The following HTT variants were observed in gnomAD, a reference collection of about 807,000 sequenced individuals.
The protein encoded by HTT is huntington disease protein.
Under a neutral mutation model 362.3 loss-of-function variants are expected in HTT, and 104 were observed. That is an observed-to-expected ratio of 0.29 (90% CI 0.24 to 0.34). HTT has a LOEUF of 0.34. Ranked by LOEUF, HTT falls within the 10% of genes least tolerant of loss-of-function variation. The probability of loss-of-function intolerance (pLI) is 1.00; values close to 1 mark genes in which losing one functional copy is unlikely to be tolerated. For missense variants in HTT, 3,301 were observed against 3,928.6 expected (o/e 0.84, Z 4.27); for synonymous variants, 1,577 against 1,548.7 (o/e 1.02, Z -0.43).
At chr4:3,126,627 TA>T (rs1715531941) in intron 11 of HTT, among the ~76,000 whole-genome samples, 1 of 152,208 alleles carries the variant, frequency 6.6e-6, no homozygotes, top group Non-Finnish European at 1.5e-5. Flanking sequence ...ATCCGGATAC[TA>T]TAAAGCTCAC....
At chr4:3,173,166 A>G in intron 31 of HTT, 35 bp downstream of exon 31, 4 of 1,527,044 alleles carry the variant, frequency 2.6e-6, no homozygotes, top group Non-Finnish European at 3.6e-6. Context: ...TCGTTGGTGG[A>G]AGCACGAAAG....
intron 2 of HTT, among the ~76,000 whole-genome samples, chr4:3,095,523 G>C (rs1460431073): frequency 3.3e-5 from 5 of 152,134 alleles, no homozygotes; most frequent in Non-Finnish European, 5.9e-5. Context: ...GTGCGAGGGC[G>C]AGGGCGAGGG....
At chr4:3,100,561 G>A (rs914115441) in intron 3 of HTT, among the ~76,000 whole-genome samples, 9 of 152,184 alleles carry the variant, frequency 5.9e-5, no homozygotes, top group Non-Finnish European at 1.3e-4. Flanking sequence ...TGCTTTGCTC[G>A]CATCTCACTT....
At chr4:3,191,612 A>G (rs1398242235) in intron 40 of HTT, among the ~76,000 whole-genome samples, 4 of 152,222 alleles carry the variant, frequency 2.6e-5, no homozygotes, top group Admixed American at 2.6e-4. Flanking sequence ...TGGCAAGTAG[A>G]TGGTAGAGAT....
At position 3,240,701 on chromosome 4, in the gene HTT, G is replaced by A. The variant is rs1721765533; in HGVS notation, c.*642G>A. ...GTAAAGTATGTGAATCGCAAGGCCTGTGCTGCATGCGACAGCGTCCGGGGT... is the reference window on the plus strand; with the variant it reads ...GTAAAGTATGTGAATCGCAAGGCCTATGCTGCATGCGACAGCGTCCGGGGT... On this transcript the variant is annotated 3_prime_UTR_variant, in exon 67 of 67. Transcript: ENST00000355072. The A allele has an allele frequency of 6.5e-6, 1 of 153,856 alleles. No homozygotes were observed. The highest frequency in any genetic ancestry group is 6.5e-5 in the Admixed American group (1 of 15,476). 9.5% of individuals were successfully genotyped at this position (153,856 alleles called of 1,614,324 possible).
chr4:3,099,961 A>G (rs112675633), intron 3 of HTT, among the ~76,000 whole-genome samples: 3,045 of 149,554 alleles, frequency 0.02, 57 homozygotes, highest in Middle Eastern at 0.034. Context: ...GAGGTGCTCT[A>G]TTGTATGGTT....
chr4:3,178,538 G>T lies in HTT; in HGVS notation c.4612+92G>T, dbSNP rs1718349824. Reference sequence around the variant, plus strand: ...ATACCCACTTTGAACGTTGTCAGTGGCAGCCATGTGCTTCTCAGGCTCTGC... The same window carrying T: ...ATACCCACTTTGAACGTTGTCAGTGTCAGCCATGTGCTTCTCAGGCTCTGC... On this transcript the variant is annotated intron_variant, in intron 35 of 66. Coordinates refer to ENST00000355072, the MANE Select transcript of HTT (RefSeq NM_001388492.1). 4 of 1,081,720 alleles carry T rather than the reference G, an allele frequency of 3.7e-6. No homozygotes were observed. The South Asian group carries it at 4.4e-5, about 12-fold the overall frequency. The allele number at this position is 1,081,720 out of a possible 1,614,324, so 67.0% of individuals were successfully genotyped here.
intron 18 of HTT, among the ~76,000 whole-genome samples, chr4:3,133,165 G>T (rs750469986): frequency 6.6e-6 from 1 of 152,050 alleles, no homozygotes; most frequent in Non-Finnish European, 1.5e-5. Context: ...GATATATTTA[G>T]AAATAACCTA....
intron 50 of HTT, among the ~76,000 whole-genome samples, chr4:3,214,593 A>AC (rs1268188300): frequency 6.6e-6 from 1 of 152,268 alleles, no homozygotes; most frequent in African/African-American, 2.4e-5. Flanking sequence ...AGTATCCTCA[A>AC]CAAGGGTCAT....
chr4:3,233,101 G>C (rs2269478), intron 60 of HTT, 62 bp from the exon 61 acceptor site: 40 of 1,419,106 alleles, frequency 2.8e-5, no homozygotes, highest in Non-Finnish European at 3.5e-5. Context: ...TCGGCTGTGG[G>C]GAGGAGCCAC....
intron 2 of HTT, among the ~76,000 whole-genome samples, chr4:3,092,320 A>G (rs556224768): frequency 5.3e-5 from 8 of 152,264 alleles, no homozygotes; most frequent in African/African-American, 1.7e-4. Context: ...GCGCCTGGCC[A>G]GATACATTTA....
chr4:3,212,522 G>A (rs1425112030), intron 48 of HTT, 42 bp from the exon 49 acceptor site: 3 of 1,600,032 alleles, frequency 1.9e-6, no homozygotes, highest in Non-Finnish European at 2.6e-6. Flanking sequence ...TGATGCATCT[G>A]TGCTCACGTT....
intron 1 of HTT, among the ~76,000 whole-genome samples, chr4:3,081,356 A>G (rs547518011): frequency 2.1e-4 from 32 of 152,168 alleles, no homozygotes; most frequent in Admixed American, 2.0e-4. Context: ...GTGTTCCAAT[A>G]GAATTTTATT....
At chr4:3,087,730 G>C (rs534327940) in intron 2 of HTT, among the ~76,000 whole-genome samples, 5 of 152,200 alleles carry the variant, frequency 3.3e-5, no homozygotes, top group Non-Finnish European at 7.4e-5. Context: ...CTTTCCCTTG[G>C]AATAAATAAT....
At chr4:3,177,434 T>C in intron 34 of HTT, 47 bp downstream of exon 34, 1 of 1,247,402 alleles carries the variant, frequency 8.0e-7, no homozygotes, top group Non-Finnish European at 1.1e-6. Flanking sequence ...TCTTGTGTAC[T>C]TACATGTAAT....
chr4:3,182,524 CT>C, intron 37 of HTT, 54 bp downstream of exon 37: 1 of 1,136,088 alleles, frequency 8.8e-7, no homozygotes. Context: ...GCTTAAGGTC[CT>C]TGTGAAAGGT....
intron 27 of HTT, 84 bp downstream of exon 27, chr4:3,154,503 A>G: frequency 6.5e-7 from 1 of 1,539,072 alleles, no homozygotes; most frequent in South Asian, 1.2e-5. Flanking sequence ...TTGGTGTTTT[A>G]GAGAAATAAA....
Position 3,074,936 on chromosome 4 carries a change from A to ACGCCG in HTT, c.112_113insGCCGC (p.Gln38ArgfsTer65), listed in dbSNP as rs762866595. 3 of 1,189,934 alleles carry ACGCCG rather than the reference A, an allele frequency of 2.5e-6. No homozygotes were observed. The allele number at this position is 1,189,934 out of a possible 1,614,324, so 73.7% of individuals were successfully genotyped here. On this transcript the variant is annotated frameshift_variant, in exon 1 of 67. Transcript: ENST00000355072. LOFTEE classifies it high-confidence loss of function. ...AGCAGCAGCAGCAGCAGCAGCAGCA[A>ACGCCG]CAGCCGCCACCGCCGCCGCCGCCGC...
Position 3,183,026 on chromosome 4 carries a change from G to T in HTT, c.4866+556G>T, listed in dbSNP as rs114545298. ...CTCCTGAGTAGCAAGGACCACAGGTGTGCACCACTACGCCTGGCTAGTTTT... is the reference window on the plus strand; with the variant it reads ...CTCCTGAGTAGCAAGGACCACAGGTTTGCACCACTACGCCTGGCTAGTTTT... On this transcript the variant is annotated intron_variant, in intron 37 of 66. Coordinates refer to ENST00000355072, the MANE Select transcript of HTT (RefSeq NM_001388492.1). Among the ~76,000 whole-genome samples, 338 of 152,234 alleles carry T rather than the reference G, an allele frequency of 2.2e-3. 2 individuals carry two copies. Among genetic ancestry groups the T allele is most frequent in the African/African-American group, 7.9e-3 (330 of 41,562 alleles).
Sources: allele counts gnomAD v4.1 joint callset (sites outside exome capture counted in the v4.1 genomes callset), GRCh38; gene constraint gnomAD v4.1.1; transcripts MANE v1.5; gene names NCBI Gene and HGNC (gene_info 2026-07-23, HGNC 2026-07-21).